ELMO1: variants seen among roughly 807,000 people sequenced by gnomAD.
ELMO1 encodes engulfment and cell motility 1.
Under a neutral mutation model 98.9 loss-of-function variants are expected in ELMO1, and 26 were observed. That is an observed-to-expected ratio of 0.26 (90% CI 0.19 to 0.36). The LOEUF is 0.36. Ranked by LOEUF, ELMO1 falls within the 10% of genes least tolerant of loss-of-function variation. The pLI, the probability that ELMO1 is intolerant of heterozygous loss-of-function variation, is 1.00. For missense variants in ELMO1, 627 were observed against 935.2 expected (o/e 0.67, Z 4.30); for synonymous variants, 346 against 346.0 (o/e 1.00, Z 0.00).
intron 15 of ELMO1, among the ~76,000 whole-genome samples, chr7:37,033,874 C>A (rs1230780531): frequency 6.6e-6 from 1 of 152,050 alleles, no homozygotes; most frequent in African/African-American, 2.4e-5. Flanking sequence ...GGAATAAAGA[C>A]AACAGAAGAT....
At chr7:37,058,006 G>A (rs913969590) in intron 15 of ELMO1, among the ~76,000 whole-genome samples, 2 of 152,190 alleles carry the variant, frequency 1.3e-5, no homozygotes, top group South Asian at 4.1e-4. Flanking sequence ...TACAGAAAAA[G>A]GTTATTCCTT....
intron 16 of ELMO1, among the ~76,000 whole-genome samples, chr7:36,934,138 A>C (rs375308565): frequency 1.0e-3 from 152 of 152,238 alleles, no homozygotes; most frequent in African/African-American, 3.4e-3. Context: ...AAGGGAGAGT[A>C]AGTTCTTGCA....
chr7:36,862,772 C>G (rs750830551), intron 20 of ELMO1, among the ~76,000 whole-genome samples: 4 of 152,232 alleles, frequency 2.6e-5, no homozygotes, highest in Non-Finnish European at 4.4e-5. Flanking sequence ...TCCCTCTCCC[C>G]TCCTGTGATC....
intron 13 of ELMO1, among the ~76,000 whole-genome samples, chr7:37,138,298 T>TTA (rs1787394709): frequency 6.8e-6 from 1 of 146,670 alleles, no homozygotes. Flanking sequence ...TTTGAAAAGA[T>TTA]AAAAAAAAAA....
At chr7:37,428,399 A>G (rs1562685928) in intron 1 of ELMO1, among the ~76,000 whole-genome samples, 1 of 152,208 alleles carries the variant, frequency 6.6e-6, no homozygotes. Flanking sequence ...GCTGCTTGGC[A>G]GTCTTGACTA....
chr7:37,159,806 C>T (rs568288206), intron 13 of ELMO1, among the ~76,000 whole-genome samples: 1 of 152,174 alleles, frequency 6.6e-6, no homozygotes, highest in African/African-American at 2.4e-5. Context: ...ACAACTACAC[C>T]TGTAATGTGC....
intron 13 of ELMO1, among the ~76,000 whole-genome samples, chr7:37,210,444 C>A (rs1792890432): frequency 6.6e-6 from 1 of 151,442 alleles, no homozygotes; most frequent in Non-Finnish European, 1.5e-5. Flanking sequence ...AAGCATGATA[C>A]CATTTGTCAA....
intron 16 of ELMO1, among the ~76,000 whole-genome samples, chr7:37,005,309 G>T (rs1792997020): frequency 6.6e-6 from 1 of 151,734 alleles, no homozygotes; most frequent in African/African-American, 2.4e-5. Flanking sequence ...CTGAAAATTG[G>T]TCACCCTCTA....
intron 14 of ELMO1, 55 bp from the exon 15 acceptor site, chr7:37,096,782 A>T: frequency 6.8e-7 from 1 of 1,469,604 alleles, no homozygotes; most frequent in Non-Finnish European, 9.5e-7. Flanking sequence ...GAAAACATCA[A>T]GAATATCACC....
At chr7:37,200,242 T>TA (rs1477027623) in intron 13 of ELMO1, among the ~76,000 whole-genome samples, 2 of 69,722 alleles carry the variant, frequency 2.9e-5, no homozygotes, top group East Asian at 9.1e-4. Context: ...CCAAGCTAAT[T>TA]AATTTTTTTT....
chr7:37,308,873 A>G (rs578039966), intron 4 of ELMO1, among the ~76,000 whole-genome samples: 1 of 152,292 alleles, frequency 6.6e-6, no homozygotes, highest in African/African-American at 2.4e-5. Flanking sequence ...CATAGCAGAA[A>G]TCAGGTTTGG....
At chr7:37,385,747 C>T (rs756629061) in intron 1 of ELMO1, among the ~76,000 whole-genome samples, 1 of 152,242 alleles carries the variant, frequency 6.6e-6, no homozygotes, top group Admixed American at 6.5e-5. Context: ...GCTGAGCGAG[C>T]GCTAGCTTCC....
intron 13 of ELMO1, among the ~76,000 whole-genome samples, chr7:37,135,584 A>G (rs1787215722): frequency 6.6e-6 from 1 of 152,184 alleles, no homozygotes; most frequent in Non-Finnish European, 1.5e-5. Flanking sequence ...ACCAGCATGG[A>G]GCTGGGTAGC....
chr7:36,912,755 T>G (rs1373876271), intron 16 of ELMO1, among the ~76,000 whole-genome samples: 1 of 152,220 alleles, frequency 6.6e-6, no homozygotes, highest in African/African-American at 2.4e-5. Flanking sequence ...AGGTTATTTA[T>G]CACCTCTGAG....
At chr7:37,378,801 T>C (rs1031526856) in intron 1 of ELMO1, among the ~76,000 whole-genome samples, 2 of 152,168 alleles carry the variant, frequency 1.3e-5, no homozygotes, top group Non-Finnish European at 2.9e-5. Flanking sequence ...GATCCGACCT[T>C]GTGAGTATCT....
intron 16 of ELMO1, among the ~76,000 whole-genome samples, chr7:36,958,114 C>A (rs191414359): frequency 1.4e-4 from 21 of 152,330 alleles, no homozygotes; most frequent in Admixed American, 2.0e-4. Flanking sequence ...GTCCATCACC[C>A]CATTCATGGC....
At chr7:37,088,682 C>T (rs368476771) in intron 15 of ELMO1, among the ~76,000 whole-genome samples, 1 of 152,140 alleles carries the variant, frequency 6.6e-6, no homozygotes, top group Admixed American at 6.5e-5. Flanking sequence ...GCTTCTGATC[C>T]TGAATGCAAG....
chr7:37,359,703 A>G (rs1801625524), intron 1 of ELMO1, among the ~76,000 whole-genome samples: 1 of 152,184 alleles, frequency 6.6e-6, no homozygotes, highest in Non-Finnish European at 1.5e-5. Flanking sequence ...GGACCTTAAT[A>G]TGCACAAGGC....
At chr7:36,866,581 G>A (rs998479976) in intron 20 of ELMO1, among the ~76,000 whole-genome samples, 1 of 152,216 alleles carries the variant, frequency 6.6e-6, no homozygotes, top group Admixed American at 6.5e-5. Flanking sequence ...GAGACCGAAT[G>A]GGTGAGAGGA....
Sources: allele counts gnomAD v4.1 joint callset (sites outside exome capture counted in the v4.1 genomes callset), GRCh38; gene constraint gnomAD v4.1.1; transcripts MANE v1.5; gene names NCBI Gene and HGNC (gene_info 2026-07-23, HGNC 2026-07-21).